Variants in GTF2E1 observed in about 807,000 individuals in gnomAD.
GTF2E1 encodes TFIIE alpha subunit.
GTF2E1 carries 14 observed loss-of-function variants against 34.9 expected under a neutral mutation model. The ratio of observed to expected loss-of-function variants is 0.40; its 90% CI spans 0.27 to 0.63. The LOEUF is 0.63. Ranked by LOEUF, GTF2E1 falls within the 20% of genes least tolerant of loss-of-function variation. GTF2E1 has a pLI of 0.39. For synonymous variants in GTF2E1, 188 were observed against 192.9 expected (o/e 0.97, Z 0.21); for missense variants, 469 against 557.7 (o/e 0.84, Z 1.60).
intron 2 of GTF2E1, among the ~76,000 whole-genome samples, chr3:120,765,498 T>G (rs1010332229): frequency 1.3e-5 from 2 of 152,198 alleles, no homozygotes; most frequent in Non-Finnish European, 2.9e-5. Context: ...TGTATATACA[T>G]GGGAAAAGTT....
At chr3:120,754,942 T>C (rs1709195982) in intron 2 of GTF2E1, among the ~76,000 whole-genome samples, 1 of 152,126 alleles carries the variant, frequency 6.6e-6, no homozygotes, top group Admixed American at 6.5e-5. Context: ...GATCGCATAA[T>C]GTAATAACGA....
At chr3:120,769,836 G>T (rs570666883) in intron 2 of GTF2E1, among the ~76,000 whole-genome samples, 2 of 152,172 alleles carry the variant, frequency 1.3e-5, no homozygotes, top group Non-Finnish European at 2.9e-5. Context: ...TGGGATAGAT[G>T]TAGATTAGGT....
Position 120,750,522 on chromosome 3 carries a change from G to T in GTF2E1, c.-30-1G>T. On this transcript the variant is annotated splice_acceptor_variant, in intron 1 of 4. Coordinates refer to ENST00000283875, the MANE Select transcript of GTF2E1 (RefSeq NM_005513.3). LOFTEE classifies it low-confidence loss of function (5UTR_SPLICE). ...AATTTTCTGTTTTTTTTTGAATTCAGTATATTTAAAGTTGGAGTTCGTTGC... is the reference window on the plus strand; with the variant it reads ...AATTTTCTGTTTTTTTTTGAATTCATTATATTTAAAGTTGGAGTTCGTTGC... The T allele has an allele frequency of 1.3e-6, 2 of 1,547,950 alleles. No individual in the cohort carries two copies. The highest frequency in any genetic ancestry group is 1.8e-6 in the Non-Finnish European group (2 of 1,129,568).
At chr3:120,780,579 T>C (rs1284978345) in intron 4 of GTF2E1, among the ~76,000 whole-genome samples, 1 of 152,194 alleles carries the variant, frequency 6.6e-6, no homozygotes, top group Admixed American at 6.5e-5. Flanking sequence ...TGTGGGACCC[T>C]ATAGGCCATT....
chr3:120,776,737 GC>G (rs1709404364), intron 4 of GTF2E1, 73 bp downstream of exon 4: 1 of 1,349,904 alleles, frequency 7.4e-7, no homozygotes. Flanking sequence ...GTGGGAAACT[GC>G]CTGGGCAATT....
At chr3:120,766,518 A>G (rs1709310379) in intron 2 of GTF2E1, among the ~76,000 whole-genome samples, 1 of 151,964 alleles carries the variant, frequency 6.6e-6, no homozygotes, top group African/African-American at 2.4e-5. Flanking sequence ...ATTGCAGTCT[A>G]ACATCATTTT....
At chr3:120,752,344 C>T (rs748723420) in intron 2 of GTF2E1, among the ~76,000 whole-genome samples, 19 of 152,122 alleles carry the variant, frequency 1.2e-4, no homozygotes, top group Admixed American at 1.0e-3. Context: ...TGATTCTTGC[C>T]ATTCACTCTA....
intron 2 of GTF2E1, among the ~76,000 whole-genome samples, chr3:120,752,789 A>G (rs1576356632): frequency 6.6e-6 from 1 of 152,208 alleles, no homozygotes; most frequent in Non-Finnish European, 1.5e-5. Flanking sequence ...GTCTGAACAA[A>G]GACTATTTTT....
rs1049825404 is a variant in GTF2E1, at chr3:120,750,791, C to T, written c.239C>T (p.Thr80Ile). ...ATCAAATGCAGAATGAGGGTAGAGA[C>T]TGCTGCAGACGGGAAAACCACTCGC... ...KFIKCRMRVE[T>I]AADGKTTRHN... The change falls in exon 2 of 5, where the codon ACT becomes ATT. Residue 80 changes from threonine to isoleucine, a missense_variant. By Grantham distance (89) the Thr-to-Ile change is moderately conservative (BLOSUM62 -1). Coordinates refer to ENST00000283875, the MANE Select transcript of GTF2E1 (RefSeq NM_005513.3). 4 of 1,613,806 alleles carry T rather than the reference C, an allele frequency of 2.5e-6. No homozygotes were observed. In the African/African-American group the frequency reaches 5.3e-5, roughly 22 times the overall value.
rs2107614781 is a variant in GTF2E1, at chr3:120,781,061, C to T, written c.911C>T (p.Ala304Val). 6.2e-7 allele frequency: 1 copy of T among 1,612,632 alleles called. No individual in the cohort carries two copies. The highest frequency in any genetic ancestry group is 8.5e-7 in the Non-Finnish European group (1 of 1,178,988). ...DMKEGGIDMD[A>V]FQEREEGHAG... ...TCCCCAGGGGGCATAGATATGGACG[C>T]ATTTCAGGAGCGTGAGGAAGGCCAT... The change falls in exon 5 of 5, where the codon GCA becomes GTA. Residue 304 changes from alanine to valine, a missense_variant. Coordinates refer to ENST00000283875, the MANE Select transcript of GTF2E1 (RefSeq NM_005513.3).
chr3:120,750,366 G>A (rs540221883), intron 1 of GTF2E1, among the ~76,000 whole-genome samples, 157 bp from the exon 2 acceptor site: 6 of 152,120 alleles, frequency 3.9e-5, no homozygotes, highest in Non-Finnish European at 7.3e-5. Context: ...GTAATCTTTT[G>A]TGCATTCTAG....
At chr3:120,779,531 C>G (rs548055540) in intron 4 of GTF2E1, among the ~76,000 whole-genome samples, 40 of 152,186 alleles carry the variant, frequency 2.6e-4, no homozygotes, top group Non-Finnish European at 4.3e-4. Context: ...CTTTCTCTCT[C>G]TTATCTGCTC....
intron 2 of GTF2E1, among the ~76,000 whole-genome samples, chr3:120,758,889 A>G (rs571208353): frequency 6.6e-6 from 1 of 152,282 alleles, no homozygotes; most frequent in Admixed American, 6.5e-5. Flanking sequence ...ATACGTGTGC[A>G]TGTGTCTTTA....
Position 120,781,772 on chromosome 3 carries a change from A to G in GTF2E1, c.*302A>G, listed in dbSNP as rs1334703064. On this transcript the variant is annotated 3_prime_UTR_variant, in exon 5 of 5. Transcript: ENST00000283875. ...CTCTTGTACCCCAGGCTGGAGTGCA[A>G]TGGCGTGATCTCGGCTCACTGCAAC... 1.3e-5 allele frequency: 3 copies of G among 222,850 alleles called. No homozygotes were observed. Among genetic ancestry groups the G allele is most frequent in the South Asian group, 7.3e-5 (1 of 13,770 alleles). The allele number at this position is 222,850 out of a possible 1,614,324, so 13.8% of individuals were successfully genotyped here.
In GTF2E1 at chr3:120,776,547, G is replaced by A. The variant is rs748526228; in HGVS notation, c.775G>A (p.Asp259Asn). The part of the protein sequence containing the change: ...LYTQNVVINM[D>N]DQEDLHRASL... ...CACTCAGAATGTTGTCATTAACATG[G>A]ATGACCAAGAAGATCTTCATCGAGC... Residue 259 changes from aspartate to asparagine, a missense_variant, in exon 4 of 5, where the codon GAT (aspartate) becomes AAT (asparagine). Coordinates refer to ENST00000283875, the MANE Select transcript of GTF2E1 (RefSeq NM_005513.3). 1 of 1,614,034 alleles carries A rather than the reference G, an allele frequency of 6.2e-7. No homozygotes were observed. Among genetic ancestry groups the A allele is most frequent in the Admixed American group, 1.7e-5 (1 of 60,018 alleles).
At chr3:120,749,638 G>T (rs1056612766) in intron 1 of GTF2E1, 2 of 152,198 alleles carry the variant, frequency 1.3e-5, no homozygotes, top group African/African-American at 4.8e-5. Context: ...GCTTTTTGAT[G>T]TGCTGCTGGA....
chr3:120,762,713 C>G (rs1709274904), intron 2 of GTF2E1, among the ~76,000 whole-genome samples: 1 of 152,072 alleles, frequency 6.6e-6, no homozygotes, highest in African/African-American at 2.4e-5. Context: ...ATTCAAGAGC[C>G]CTGGCTTTTA....
intron 2 of GTF2E1, among the ~76,000 whole-genome samples, chr3:120,753,486 A>G (rs1356288955): frequency 6.6e-6 from 1 of 152,178 alleles, no homozygotes; most frequent in Non-Finnish European, 1.5e-5. Flanking sequence ...TCTTTTCAAT[A>G]GTTCTTAGAT....
chr3:120,752,663 A>G (rs1300882658), intron 2 of GTF2E1, among the ~76,000 whole-genome samples: 1 of 152,204 alleles, frequency 6.6e-6, no homozygotes, highest in African/African-American at 2.4e-5. Context: ...TGTGGAAGAG[A>G]TGGCCTAACA....
Sources: allele counts gnomAD v4.1 joint callset (sites outside exome capture counted in the v4.1 genomes callset), GRCh38; gene constraint gnomAD v4.1.1; transcripts MANE v1.5; gene names NCBI Gene and HGNC (gene_info 2026-07-23, HGNC 2026-07-21).